The following PLPPR1 variants were observed in gnomAD, a reference collection of about 807,000 sequenced individuals.
PLPPR1 encodes the protein phospholipid phosphatase-related protein type 1.
A neutral mutation model predicts 33.1 loss-of-function variants in PLPPR1; 10 were observed. The ratio of observed to expected loss-of-function variants is 0.30; its 90% confidence interval spans 0.19 to 0.51. The LOEUF (loss-of-function observed/expected upper bound fraction) is 0.51, where lower values mean the gene tolerates loss of function less well. Among genes scored for constraint, PLPPR1 ranks in the 20% least tolerant of loss-of-function variants. The pLI is 0.97. For missense variants in PLPPR1, 304 were observed against 408.1 expected (o/e 0.74, Z 2.20); for synonymous variants, 151 against 151.0 (o/e 1.00, Z 0.00).
chr9:101,316,093 G>T (rs1829045612), intron 6 of PLPPR1, among the ~76,000 whole-genome samples: 1 of 152,090 alleles, frequency 6.6e-6, no homozygotes, highest in Non-Finnish European at 1.5e-5. Context: ...GAGGGACCTG[G>T]GTCTCTCCAC....
At chr9:101,182,295 T>C (rs1826128715) in intron 1 of PLPPR1, among the ~76,000 whole-genome samples, 2 of 151,758 alleles carry the variant, frequency 1.3e-5, no homozygotes, top group Middle Eastern at 6.8e-3. Context: ...AAGTTTCAGA[T>C]AGACAGGAGG....
chr9:101,099,181 A>T (rs1300826588), intron 1 of PLPPR1, among the ~76,000 whole-genome samples: 3 of 152,250 alleles, frequency 2.0e-5, no homozygotes, highest in Non-Finnish European at 4.4e-5. Context: ...TAAAGTGCTT[A>T]GTAAAATGCA....
chr9:101,300,685 TTCTA>T (rs763569749), intron 4 of PLPPR1, among the ~76,000 whole-genome samples: 196 of 152,328 alleles, frequency 1.3e-3, no homozygotes, highest in Non-Finnish European at 2.5e-3. Flanking sequence ...ATTTGAAGCC[TTCTA>T]AAAATCCAGG....
chr9:101,281,695 A>G (rs4743456), intron 3 of PLPPR1, among the ~76,000 whole-genome samples: 40,601 of 151,952 alleles, frequency 0.27, 5,533 homozygotes, highest in Admixed American at 0.34. Flanking sequence ...ATAAACCTTT[A>G]GACAAGAAAA....
rs567575237 is a variant in PLPPR1 at position 101,086,904 on chromosome 9, A to T, written c.-46+57802A>T. 2.6e-4 allele frequency among the ~76,000 whole-genome samples: 39 copies of T among 152,272 alleles called. No individual in the cohort carries two copies. In the South Asian group the frequency reaches 7.7e-3, roughly 30 times the overall value. ...ATAAAAAAATATTTGAAAGTCTGGG[A>T]GCAGCAACTCAGGCCTATAATCCTA... On this transcript the variant is annotated intron_variant, in intron 1 of 7. Transcript: ENST00000374874.
intron 2 of PLPPR1, among the ~76,000 whole-genome samples, chr9:101,262,997 C>T (rs1158805153): frequency 6.6e-6 from 1 of 151,834 alleles, no homozygotes; most frequent in Non-Finnish European, 1.5e-5. Flanking sequence ...CACACCAGGG[C>T]CTGTCAGTGG....
At chr9:101,130,980 A>G (rs902600653) in intron 1 of PLPPR1, among the ~76,000 whole-genome samples, 36 of 150,112 alleles carry the variant, frequency 2.4e-4, no homozygotes, top group African/African-American at 8.9e-4. Context: ...GCATGTGTAA[A>G]ATGTAGATAA....
intron 1 of PLPPR1, among the ~76,000 whole-genome samples, chr9:101,147,655 C>A (rs1278591815): frequency 6.6e-6 from 1 of 152,050 alleles, no homozygotes; most frequent in Non-Finnish European, 1.5e-5. Flanking sequence ...GGTGACTGTG[C>A]AGGAAACCAG....
chr9:101,140,931 G>A (rs914684606), intron 1 of PLPPR1, among the ~76,000 whole-genome samples: 2 of 152,084 alleles, frequency 1.3e-5, no homozygotes, highest in African/African-American at 2.4e-5. Flanking sequence ...TGAGATAAGC[G>A]ACCTCAAGGT....
intron 1 of PLPPR1, among the ~76,000 whole-genome samples, chr9:101,152,079 T>C (rs563890796): frequency 5.9e-5 from 9 of 152,356 alleles, no homozygotes; most frequent in Admixed American, 4.6e-4. Context: ...GACTTTTTAA[T>C]GATCGCCATT....
At chr9:101,241,725 G>A (rs1827472079) in intron 2 of PLPPR1, among the ~76,000 whole-genome samples, 1 of 152,048 alleles carries the variant, frequency 6.6e-6, no homozygotes, top group African/African-American at 2.4e-5. Context: ...CAGCTGGAGG[G>A]TGCCAGATAA....
intron 2 of PLPPR1, among the ~76,000 whole-genome samples, chr9:101,213,227 GT>G (rs926826464): frequency 2.0e-5 from 3 of 152,062 alleles, no homozygotes; most frequent in African/African-American, 7.2e-5. Flanking sequence ...TTTTATAATA[GT>G]TTAGCCATTT....
At chr9:101,060,765 G>T (rs1830337185) in intron 1 of PLPPR1, among the ~76,000 whole-genome samples, 1 of 151,736 alleles carries the variant, frequency 6.6e-6, no homozygotes. Context: ...TGTCACTTTA[G>T]AATTTCTATA....
At chr9:101,068,623 AG>A (rs946570610) in intron 1 of PLPPR1, among the ~76,000 whole-genome samples, 1 of 152,030 alleles carries the variant, frequency 6.6e-6, no homozygotes, top group Non-Finnish European at 1.5e-5. Context: ...CCATAGGCTT[AG>A]TATAAATTAA....
intron 1 of PLPPR1, among the ~76,000 whole-genome samples, chr9:101,144,310 G>A (rs1831495254): frequency 6.6e-6 from 1 of 152,140 alleles, no homozygotes; most frequent in Non-Finnish European, 1.5e-5. Flanking sequence ...AATCCCTAAT[G>A]TAAATGACGA....
intron 2 of PLPPR1, among the ~76,000 whole-genome samples, chr9:101,193,996 A>G (rs1461175540): frequency 6.6e-6 from 1 of 152,184 alleles, no homozygotes; most frequent in African/African-American, 2.4e-5. Context: ...GACTTCTACA[A>G]TCTGCCCTCC....
rs1830348457 is a variant in PLPPR1, at chr9:101,061,612, C to T, written c.-46+32510C>T. Among the ~76,000 whole-genome samples the T allele has an allele frequency of 3.9e-5, 6 of 152,136 alleles. No homozygotes were observed. The South Asian group carries it at 1.2e-3, about 32-fold the overall frequency. On this transcript the variant is annotated intron_variant, in intron 1 of 7. Transcript: ENST00000374874. The stretch of plus-strand genomic sequence containing the variant: ...ATTTGCACCAACCTAGTAAGATTCA[C>T]TCATTTGATTCCTGAGGCTCCCAGA...
chr9:101,289,703 T>C (rs1828458339), intron 4 of PLPPR1, among the ~76,000 whole-genome samples: 1 of 152,220 alleles, frequency 6.6e-6, no homozygotes, highest in Non-Finnish European at 1.5e-5. Context: ...ATGTATGATA[T>C]GACTTGCTCC....
At chr9:101,086,812 T>G (rs535828731) in intron 1 of PLPPR1, among the ~76,000 whole-genome samples, 138 of 152,260 alleles carry the variant, frequency 9.1e-4, no homozygotes, top group African/African-American at 3.1e-3. Flanking sequence ...AAACTCTATA[T>G]CCACAGTGTT....
Sources: allele counts gnomAD v4.1 joint callset (sites outside exome capture counted in the v4.1 genomes callset), GRCh38; gene constraint gnomAD v4.1.1; transcripts MANE v1.5; gene names NCBI Gene and HGNC (gene_info 2026-07-23, HGNC 2026-07-21).